The following BICDL1 variants were observed in gnomAD, a reference collection of about 807,000 sequenced individuals.
The protein encoded by BICDL1 is BICD family-like cargo adapter 1.
In BICDL1, 20 loss-of-function variants were observed where a neutral mutation model predicts 76.8. The ratio of observed to expected loss-of-function variants is 0.26; its 90% CI spans 0.18 to 0.38. BICDL1 has a LOEUF of 0.38. Ranked by LOEUF, BICDL1 falls within the 10% of genes least tolerant of loss-of-function variation. BICDL1 has a pLI of 1.00. For synonymous variants in BICDL1, 383 were observed against 337.1 expected, an observed-to-expected ratio of 1.14 and a Z score of -1.49; for missense variants, 700 against 798.6, an observed-to-expected ratio of 0.88 and a Z score of 1.49.
At chr12:119,992,690 T>A (rs1951549694) in intron 1 of BICDL1, 1 of 152,200 alleles carries the variant, frequency 6.6e-6, no homozygotes, top group African/African-American at 2.4e-5. Flanking sequence ...TGGCCTGTAT[T>A]TTCAATTAAA....
intron 2 of BICDL1, among the ~76,000 whole-genome samples, chr12:120,020,055 T>A (rs1952147565): frequency 6.6e-6 from 1 of 152,150 alleles, no homozygotes; most frequent in Admixed American, 6.6e-5. Flanking sequence ...CTCAAAGGGC[T>A]TAGAAGCAAT....
At chr12:120,059,569 C>T (rs765517626) in intron 2 of BICDL1, among the ~76,000 whole-genome samples, 17 of 152,108 alleles carry the variant, frequency 1.1e-4, no homozygotes, top group Non-Finnish European at 1.6e-4. Flanking sequence ...CCACCATGCC[C>T]GGCCTAATTT....
chr12:119,993,829 T>C (rs1237446850), intron 1 of BICDL1, among the ~76,000 whole-genome samples: 1 of 152,158 alleles, frequency 6.6e-6, no homozygotes, highest in Admixed American at 6.5e-5. Flanking sequence ...GTGGCCAGGC[T>C]GGTCTTGAAC....
chr12:120,069,749 A>G (rs778107479), intron 4 of BICDL1, among the ~76,000 whole-genome samples: 1 of 152,214 alleles, frequency 6.6e-6, no homozygotes, highest in Non-Finnish European at 1.5e-5. Flanking sequence ...GGACAGCCCA[A>G]TTAATTTTTA....
In BICDL1 at chr12:120,093,350, GGCCACT is replaced by G. The variant is rs1335514208; in HGVS notation, c.*191_*196del. The stretch of plus-strand genomic sequence containing the variant: ...AGACCTAGAGGTGGGGGCCTGCCTT[GGCCACT>G]GAAGGCTTCCCTTGGCCCACCGCCT... On this transcript the variant is annotated 3_prime_UTR_variant, in exon 10 of 10. Coordinates refer to ENST00000548673, the MANE Select transcript of BICDL1 (RefSeq NM_001367886.1). 8.2e-5 allele frequency: 54 copies of G among 661,118 alleles called. No homozygotes were observed. The highest frequency in any genetic ancestry group is 6.7e-4 in the South Asian group (35 of 51,946). 41.0% of individuals were successfully genotyped at this position (661,118 alleles called of 1,614,324 possible). A position where few individuals can be genotyped will look rare whatever the true frequency, so the allele number is the denominator to read the frequency against.
chr12:120,062,196 A>G (rs1953120140), intron 3 of BICDL1, among the ~76,000 whole-genome samples: 1 of 152,228 alleles, frequency 6.6e-6, no homozygotes, highest in African/African-American at 2.4e-5. Context: ...GCAAAATGAG[A>G]GAAATAGAAG....
chr12:120,067,766 CTAAAAAA>C (rs1418769951), intron 4 of BICDL1, among the ~76,000 whole-genome samples: 1 of 152,168 alleles, frequency 6.6e-6, no homozygotes, highest in Non-Finnish European at 1.5e-5. Flanking sequence ...GTGGAGTTGT[CTAAAAAA>C]TAATTGTGAA....
intron 2 of BICDL1, among the ~76,000 whole-genome samples, chr12:120,008,054 A>C (rs913324192): frequency 5.9e-5 from 9 of 152,036 alleles, no homozygotes; most frequent in Non-Finnish European, 1.2e-4. Context: ...TTTCTCAACC[A>C]AATAACAGCT....
chr12:120,021,936 A>ATAAATAAAT (rs1566222634), intron 2 of BICDL1, among the ~76,000 whole-genome samples: 31 of 149,358 alleles, frequency 2.1e-4, no homozygotes, highest in African/African-American at 7.5e-4. Flanking sequence ...AATAAATAAA[A>ATAAATAAAT]AAATAAAATA....
chr12:119,999,852 ACTT>A (rs1951726044), intron 2 of BICDL1: 1 of 426,664 alleles, frequency 2.3e-6, no homozygotes, highest in Non-Finnish European at 4.6e-6. Flanking sequence ...AGGAAAAAGA[ACTT>A]CTCTGATATC....
At chr12:120,065,443 A>G (rs773462404) in intron 4 of BICDL1, among the ~76,000 whole-genome samples, 19 of 152,182 alleles carry the variant, frequency 1.2e-4, no homozygotes, top group Non-Finnish European at 2.4e-4. Context: ...CTTCATGGCC[A>G]TATTTGTTCT....
intron 2 of BICDL1, among the ~76,000 whole-genome samples, chr12:120,032,643 A>G (rs973334282): frequency 1.3e-5 from 2 of 152,210 alleles, no homozygotes; most frequent in African/African-American, 4.8e-5. Flanking sequence ...AAGCCAAATA[A>G]TTTAAAAACA....
intron 4 of BICDL1, among the ~76,000 whole-genome samples, chr12:120,065,225 C>G (rs539553821): frequency 2.6e-5 from 4 of 152,280 alleles, no homozygotes; most frequent in African/African-American, 9.6e-5. Context: ...TCAGAGGGAG[C>G]CTGTGACTCT....
chr12:120,089,240 C>CAATAAA (rs1236949888), intron 8 of BICDL1, among the ~76,000 whole-genome samples: 1 of 152,066 alleles, frequency 6.6e-6, no homozygotes, highest in Non-Finnish European at 1.5e-5. Flanking sequence ...CTCTGGGTTC[C>CAATAAA]AGTCCTTATT....
chr12:119,996,248 TCTA>T (rs937150956), intron 1 of BICDL1, among the ~76,000 whole-genome samples: 1 of 152,226 alleles, frequency 6.6e-6, no homozygotes, highest in Non-Finnish European at 1.5e-5. Flanking sequence ...ATGTTAATTT[TCTA>T]CTGCTGTTTT....
rs920099920 is a variant in BICDL1 at position 120,077,707 on chromosome 12, G to A, written c.1452+3121G>A. On this transcript the variant is annotated intron_variant, in intron 7 of 9. Coordinates refer to ENST00000548673, the MANE Select transcript of BICDL1 (RefSeq NM_001367886.1). ...AGCATGGCCATCTCCTCCATCCTCC[G>A]TCCTCCTAGCTCCTGCCCTATTTCA... Among the ~76,000 whole-genome samples the A allele has an allele frequency of 4.6e-5, 7 of 152,182 alleles. No homozygotes were observed. In the South Asian group the frequency reaches 6.2e-4, roughly 14 times the overall value.
chr12:120,039,654 A>G (rs891055271), intron 2 of BICDL1, among the ~76,000 whole-genome samples: 41 of 151,356 alleles, frequency 2.7e-4, no homozygotes, highest in Admixed American at 2.5e-3. Context: ...AAAAAAAAAA[A>G]AAAAAAGAAA....
chr12:120,032,823 T>C (rs1952450890), intron 2 of BICDL1, among the ~76,000 whole-genome samples: 1 of 149,552 alleles, frequency 6.7e-6, no homozygotes. Flanking sequence ...CTTGGCTCAC[T>C]GCAACTTCCG....
At chr12:120,092,172 A>G (rs1268426480) in intron 9 of BICDL1, 3 of 985,318 alleles carry the variant, frequency 3.0e-6, no homozygotes, top group African/African-American at 1.7e-5. Flanking sequence ...CAGAGTCAGA[A>G]TCTAGCCACC....
Sources: allele counts gnomAD v4.1 joint callset (sites outside exome capture counted in the v4.1 genomes callset), GRCh38; gene constraint gnomAD v4.1.1; transcripts MANE v1.5; gene names NCBI Gene and HGNC (gene_info 2026-07-23, HGNC 2026-07-21).